The following SCN10A variants were observed in gnomAD, a reference collection of about 807,000 sequenced individuals.
SCN10A encodes sodium voltage-gated channel alpha subunit 10.
A neutral mutation model predicts 170.7 loss-of-function variants in SCN10A; 162 were observed. The ratio of observed to expected loss-of-function variants is 0.95; its 90% confidence interval spans 0.84 to 1.08. The LOEUF is 1.08. SCN10A is among the 50% of genes least tolerant of loss of function. The pLI, the probability that SCN10A is intolerant of heterozygous loss-of-function variation, is 0.00. For missense variants in SCN10A, 2,527 were observed against 2,436.9 expected (o/e 1.04, Z -0.78); for synonymous variants, 985 against 904.6 (o/e 1.09, Z -1.59).
intron 4 of SCN10A, among the ~76,000 whole-genome samples, 164 bp downstream of exon 4, chr3:38,788,792 T>A (rs1243354803): frequency 6.6e-6 from 1 of 152,106 alleles, no homozygotes; most frequent in Non-Finnish European, 1.5e-5. Flanking sequence ...ATGAAACAAA[T>A]CTCACAGAAG....
chr3:38,731,897 A>G (rs571099335), intron 15 of SCN10A, among the ~76,000 whole-genome samples: 1 of 152,276 alleles, frequency 6.6e-6, no homozygotes, highest in South Asian at 2.1e-4. Flanking sequence ...GCACAGGGAG[A>G]CAGATCTGAG....
intron 4 of SCN10A, among the ~76,000 whole-genome samples, chr3:38,787,768 C>T (rs2064225297): frequency 6.6e-6 from 1 of 152,080 alleles, no homozygotes; most frequent in South Asian, 2.1e-4. Context: ...GTTTGCTGCA[C>T]CCTTCAACCC....
intron 4 of SCN10A, among the ~76,000 whole-genome samples, chr3:38,774,587 A>G (rs2064048953): frequency 6.6e-6 from 1 of 152,206 alleles, no homozygotes; most frequent in African/African-American, 2.4e-5. Context: ...AGCCACTTGC[A>G]CCACTGATGT....
intron 4 of SCN10A, among the ~76,000 whole-genome samples, chr3:38,775,879 A>C (rs1163859572): frequency 2.0e-5 from 3 of 152,220 alleles, no homozygotes; most frequent in African/African-American, 7.2e-5. Flanking sequence ...TACCAGCAGG[A>C]GTGCAATTGT....
intron 5 of SCN10A, among the ~76,000 whole-genome samples, chr3:38,770,453 T>C (rs1022780287): frequency 4.6e-5 from 7 of 152,022 alleles, no homozygotes; most frequent in African/African-American, 1.4e-4. Context: ...TGGGGGTTGG[T>C]TCTCAGGCCA....
At position 38,725,245 on chromosome 3, in the gene SCN10A, A is replaced by T. The variant is rs962402134; in HGVS notation, c.3157T>A (p.Ser1053Thr). The T allele has an allele frequency of 4.4e-6, 7 of 1,606,500 alleles. No individual in the cohort carries two copies. In the African/African-American group the frequency reaches 5.3e-5, roughly 12 times the overall value. The stretch of plus-strand genomic sequence containing the variant: ...AGGGATGGAGCCAGGTCCTCAGAAG[A>T]TGTTCCAGTGCCTGGGCTCCTGGGT... ...LTPRSPGTGT[S>T]SEDLAPSLGE... Residue 1053 changes from serine (S) to threonine (T), a missense_variant, in exon 18 of 28, where the codon TCT (serine) becomes ACT (threonine). Coordinates refer to ENST00000449082, the MANE Select transcript of SCN10A (RefSeq NM_006514.4).
intron 4 of SCN10A, among the ~76,000 whole-genome samples, chr3:38,788,568 C>G (rs2064237368): frequency 6.8e-6 from 1 of 146,862 alleles, no homozygotes; most frequent in African/African-American, 2.6e-5. Flanking sequence ...CATACCTTCT[C>G]TAAGGCATAC....
Position 38,712,163 on chromosome 3 carries a change from C to T in SCN10A, c.4087G>A (p.Val1363Met). 1 of 1,613,644 alleles carries T rather than the reference C, an allele frequency of 6.2e-7. No individual in the cohort carries two copies. The highest frequency in any genetic ancestry group is 8.5e-7 in the Non-Finnish European group (1 of 1,179,584). Residue 1363 changes from valine (V) to methionine (M), a missense_variant and splice_region_variant, in exon 23 of 28, where the codon GTG becomes ATG. Transcript: ENST00000449082. ...VAMGYLALLQ[V>M]ATFKGWMDIM... ...GGTTGATCTCATGGTTGACTCACCA[C>T]CTGCAGAAGTGCAAGGTAACCCATT... is the stretch of plus-strand genomic sequence containing the variant.
intron 1 of SCN10A, among the ~76,000 whole-genome samples, chr3:38,809,776 A>G (rs1022798982): frequency 6.6e-6 from 1 of 152,174 alleles, no homozygotes; most frequent in African/African-American, 2.4e-5. Context: ...CTCTGAGTCT[A>G]CTCAGGGAGA....
chr3:38,780,146 A>T (rs915961520), intron 4 of SCN10A, among the ~76,000 whole-genome samples: 1 of 151,892 alleles, frequency 6.6e-6, no homozygotes, highest in Non-Finnish European at 1.5e-5. Context: ...TACTCTAATA[A>T]TTTCTGATTT....
At position 38,760,727 on chromosome 3, in the gene SCN10A, G is replaced by A. The variant is rs1168396269; in HGVS notation, c.904C>T (p.Arg302Ter). The A allele has an allele frequency of 3.1e-6, 5 of 1,613,656 alleles. No individual in the cohort carries two copies. Among genetic ancestry groups the A allele is most frequent in the African/African-American group, 1.3e-5 (1 of 74,898 alleles). The change falls in exon 8 of 28, where the codon CGA (arginine) becomes TGA (stop). Residue 302 changes from arginine (R) to a stop codon, truncating the protein, a stop_gained. Transcript: ENST00000449082. LOFTEE classifies it high-confidence loss of function. ...HRKPDIYINKRGTSDPLLCGN... is the reference protein window; with the variant it reads ...HRKPDIYINK ...CACAGTAAGGGGTCAGAAGTGCCTC[G>A]CTTATTTATGTAGATATCTGCTGAA...
Position 38,697,472 on chromosome 3 carries a change from T to C in SCN10A, c.5748A>G (p.Ser1916=). 2 of 1,614,206 alleles carry C rather than the reference T, an allele frequency of 1.2e-6. No homozygotes were observed. Among genetic ancestry groups the C allele is most frequent in the Non-Finnish European group, 8.5e-7 (1 of 1,180,044 alleles). ...PDKSETASAT[S]FPPSYESVTR... is the part of the protein sequence containing the mutation. ...TGACACTCTCATAGGACGGTGGGAA[T>C]GATGTGGCAGAAGCAGTTTCAGATT... The change falls in exon 28 of 28, where the codon TCA becomes TCG. Residue 1916 remains serine (S), a synonymous_variant. Coordinates refer to ENST00000449082, the MANE Select transcript of SCN10A (RefSeq NM_006514.4).
intron 18 of SCN10A, 109 bp from the exon 19 acceptor site, chr3:38,723,662 G>A: frequency 7.6e-7 from 1 of 1,319,630 alleles, no homozygotes; most frequent in Non-Finnish European, 1.0e-6. Flanking sequence ...CTCGCCAGCT[G>A]AGGCCTGGAA....
At chr3:38,720,959 C>G (rs1426903147) in intron 20 of SCN10A, among the ~76,000 whole-genome samples, 1 of 152,226 alleles carries the variant, frequency 6.6e-6, no homozygotes, top group Non-Finnish European at 1.5e-5. Context: ...TGGACAATCA[C>G]TGCCCTGTGC....
At chr3:38,748,295 T>C (rs954662769) in intron 13 of SCN10A, among the ~76,000 whole-genome samples, 1 of 152,214 alleles carries the variant, frequency 6.6e-6, no homozygotes, top group East Asian at 1.9e-4. Flanking sequence ...TGAACAGTGA[T>C]ATTAAATAAT....
At chr3:38,805,465 G>C (rs2064399576) in intron 1 of SCN10A, among the ~76,000 whole-genome samples, 1 of 152,104 alleles carries the variant, frequency 6.6e-6, no homozygotes, top group African/African-American at 2.4e-5. Context: ...GATGTGACCA[G>C]ACTGGTCAAG....
chr3:38,710,898 C>T lies in SCN10A; in HGVS notation c.4090-1G>A. 3 of 1,613,520 alleles carry T rather than the reference C, an allele frequency of 1.9e-6. No individual in the cohort carries two copies. The highest frequency in any genetic ancestry group is 1.1e-5 in the South Asian group (1 of 90,892). On this transcript the variant is annotated splice_acceptor_variant, in intron 23 of 27. Coordinates refer to ENST00000449082, the MANE Select transcript of SCN10A (RefSeq NM_006514.4). LOFTEE classifies it high-confidence loss of function. The stretch of plus-strand genomic sequence containing the variant: ...TGTCCATCCAGCCTTTAAAGGTTGC[C>T]TGGAGACAAGGAGCAGAGGCCACTC...
chr3:38,768,942 A>AT (rs1265491158), intron 5 of SCN10A, among the ~76,000 whole-genome samples: 4 of 151,992 alleles, frequency 2.6e-5, no homozygotes, highest in Non-Finnish European at 5.9e-5. Context: ...CCGATTTGTC[A>AT]TTTTTTTAAA....
At chr3:38,785,752 C>A (rs1156994954) in intron 4 of SCN10A, among the ~76,000 whole-genome samples, 1 of 152,044 alleles carries the variant, frequency 6.6e-6, no homozygotes, top group African/African-American at 2.4e-5. Flanking sequence ...GGGCTAATAT[C>A]CAGAATCTAC....
Sources: gnomAD v4.1 joint callset for allele counts (sites outside exome capture counted in the v4.1 genomes callset) on GRCh38, gnomAD v4.1.1 for gene constraint, MANE v1.5 for transcripts, NCBI Gene and HGNC (gene_info 2026-07-23, HGNC 2026-07-21) for gene names.